RALY: variants seen among roughly 807,000 people sequenced by gnomAD.
RALY encodes the protein RALY heterogeneous nuclear ribonucleoprotein.
Under a neutral mutation model 30.7 loss-of-function variants are expected in RALY, and 15 were observed. The observed-to-expected ratio is 0.49, with a 90% CI of 0.33 to 0.75. RALY has a LOEUF of 0.75. Among genes scored for constraint, RALY ranks in the 30% least tolerant of loss-of-function variants. The pLI, the probability that RALY is intolerant of heterozygous loss-of-function variation, is 0.02. For synonymous variants in RALY, 177 were observed against 170.8 expected, an observed-to-expected ratio of 1.04 and a Z score of -0.28; for missense variants, 339 against 414.3, an observed-to-expected ratio of 0.82 and a Z score of 1.58.
intron 6 of RALY, among the ~76,000 whole-genome samples, chr20:34,076,451 C>T (rs1157119060): frequency 6.6e-6 from 1 of 152,188 alleles, no homozygotes; most frequent in Non-Finnish European, 1.5e-5. Flanking sequence ...CACCTGTGCT[C>T]CTGTCTGTCT....
chr20:34,068,089 T>C (rs1489908543), intron 2 of RALY, among the ~76,000 whole-genome samples: 4 of 152,010 alleles, frequency 2.6e-5, no homozygotes, highest in Non-Finnish European at 4.4e-5. Flanking sequence ...ATTGCAGAAG[T>C]CTCTAGGAAT....
At chr20:34,071,595 A>C (rs530726289) in intron 2 of RALY, among the ~76,000 whole-genome samples, 2 of 152,028 alleles carry the variant, frequency 1.3e-5, no homozygotes, top group African/African-American at 4.8e-5. Flanking sequence ...TTTTCATCAT[A>C]TGGTGGTGGT....
chr20:34,038,581 A>T (rs2032586014), intron 2 of RALY, among the ~76,000 whole-genome samples: 1 of 152,194 alleles, frequency 6.6e-6, no homozygotes, highest in African/African-American at 2.4e-5. Flanking sequence ...CAATTAACGT[A>T]AACTGTCAAG....
At chr20:34,013,879 A>G (rs2031507216) in intron 1 of RALY, among the ~76,000 whole-genome samples, 1 of 152,200 alleles carries the variant, frequency 6.6e-6, no homozygotes, top group Non-Finnish European at 1.5e-5. Context: ...ATTGATACTT[A>G]TAGTATAGTT....
chr20:34,047,990 G>T (rs1440461029), intron 2 of RALY, among the ~76,000 whole-genome samples: 2 of 152,190 alleles, frequency 1.3e-5, no homozygotes, highest in African/African-American at 4.8e-5. Context: ...GAGCCTCCAG[G>T]CCAGGCTTTA....
chr20:34,046,813 CTTTTTTT>C (rs61495395), intron 2 of RALY, among the ~76,000 whole-genome samples: 1 of 72,764 alleles, frequency 1.4e-5, no homozygotes, highest in East Asian at 4.1e-4. Context: ...GACCTCCACT[CTTTTTTT>C]TTTTTTTTTT....
At chr20:34,043,136 C>T (rs965808413) in intron 2 of RALY, among the ~76,000 whole-genome samples, 2 of 152,270 alleles carry the variant, frequency 1.3e-5, no homozygotes, top group African/African-American at 2.4e-5. Context: ...ACTCTCCTTG[C>T]AGCCCTGCTC....
At chr20:34,076,936 C>A in intron 7 of RALY, 92 bp from the exon 8 acceptor site, 2 of 1,601,718 alleles carry the variant, frequency 1.2e-6, no homozygotes, top group Admixed American at 1.7e-5. Flanking sequence ...CCTGCACTCA[C>A]CATGCTGAGG....
At chr20:34,025,705 T>C (rs2031998126) in intron 1 of RALY, among the ~76,000 whole-genome samples, 1 of 151,720 alleles carries the variant, frequency 6.6e-6, no homozygotes, top group Non-Finnish European at 1.5e-5. Flanking sequence ...AAAAAAAAAT[T>C]GTTTTACAAA....
intron 1 of RALY, among the ~76,000 whole-genome samples, chr20:34,025,837 A>G (rs1481605946): frequency 3.5e-5 from 5 of 143,800 alleles, no homozygotes; most frequent in Non-Finnish European, 6.0e-5. Context: ...GCTTCCCATA[A>G]TTTTCACTCT....
At chr20:34,053,445 T>G (rs943867906) in intron 2 of RALY, among the ~76,000 whole-genome samples, 10 of 132,444 alleles carry the variant, frequency 7.6e-5, no homozygotes, top group Non-Finnish European at 3.1e-5. Context: ...TCACCCAGGC[T>G]ATAGTGCAAT....
chr20:34,004,938 A>C (rs1025340793), intron 1 of RALY, among the ~76,000 whole-genome samples: 1 of 152,180 alleles, frequency 6.6e-6, no homozygotes, highest in Non-Finnish European at 1.5e-5. Context: ...ATCACTTTGA[A>C]GGTTGGCATG....
intron 8 of RALY, 178 bp downstream of exon 8, chr20:34,077,423 C>G: frequency 7.2e-7 from 1 of 1,394,208 alleles, no homozygotes; most frequent in South Asian, 1.4e-5. Context: ...ACTTGCCTAT[C>G]TCAGACACCA....
At chr20:34,075,821 C>T (rs189574562) in intron 5 of RALY, 53 bp from the exon 6 acceptor site, 19 of 1,561,058 alleles carry the variant, frequency 1.2e-5, no homozygotes, top group Middle Eastern at 1.7e-4. Context: ...GCTGCAATAC[C>T]GCCCTGGTGG....
At chr20:34,061,615 T>A (rs1414114338) in intron 2 of RALY, among the ~76,000 whole-genome samples, 1 of 152,226 alleles carries the variant, frequency 6.6e-6, no homozygotes, top group East Asian at 1.9e-4. Context: ...GTCTTTTGAT[T>A]ATGAGATTAA....
At chr20:34,029,465 G>GAGGGAGGGAGGAA (rs1424554568) in intron 1 of RALY, among the ~76,000 whole-genome samples, 1 of 129,870 alleles carries the variant, frequency 7.7e-6, no homozygotes, top group Non-Finnish European at 1.6e-5. Context: ...AGAAAGGAGG[G>GAGGGAGGGAGGAA]AGGGAGGGAG....
intron 2 of RALY, among the ~76,000 whole-genome samples, chr20:34,066,848 A>G (rs1307646949): frequency 6.6e-6 from 1 of 152,162 alleles, no homozygotes; most frequent in Non-Finnish European, 1.5e-5. Flanking sequence ...TCATACCATA[A>G]GAGATATAAA....
chr20:34,074,559 C>A (rs1033597747), intron 5 of RALY, among the ~76,000 whole-genome samples: 2 of 152,182 alleles, frequency 1.3e-5, no homozygotes, highest in African/African-American at 4.8e-5. Flanking sequence ...ATCCCCACCC[C>A]GCCCCTGTGA....
intron 5 of RALY, among the ~76,000 whole-genome samples, chr20:34,075,214 T>C (rs1263899740): frequency 6.6e-6 from 1 of 151,968 alleles, no homozygotes. Flanking sequence ...AAGGATGTGG[T>C]GATTAAGGAG....
Sources: gnomAD v4.1 joint callset for allele counts (sites outside exome capture counted in the v4.1 genomes callset) on GRCh38, gnomAD v4.1.1 for gene constraint, MANE v1.5 for transcripts, NCBI Gene and HGNC (gene_info 2026-07-23, HGNC 2026-07-21) for gene names.